The following VAPA variants were observed in gnomAD, a reference collection of about 807,000 sequenced individuals.
VAPA encodes the protein vesicle-associated membrane protein-associated protein A.
A neutral mutation model predicts 25.6 loss-of-function variants in VAPA; 6 were observed. The ratio of observed to expected loss-of-function variants is 0.23; its 90% CI spans 0.13 to 0.46. The LOEUF (loss-of-function observed/expected upper bound fraction) is 0.46, where lower values mean the gene tolerates loss of function less well. Among genes scored for constraint, VAPA ranks in the 20% least tolerant of loss-of-function variants. The pLI, the probability that VAPA is intolerant of heterozygous loss-of-function variation, is 0.99. For synonymous variants in VAPA, 112 were observed against 106.2 expected (o/e 1.05, Z -0.34); for missense variants, 244 against 302.1 (o/e 0.81, Z 1.43).
At chr18:9,924,468 CAA>C (rs748722856) in intron 1 of VAPA, among the ~76,000 whole-genome samples, 5 of 152,136 alleles carry the variant, frequency 3.3e-5, no homozygotes, top group Non-Finnish European at 7.4e-5. Context: ...TGTTGCAAAT[CAA>C]AGTGTTCCAC....
intron 1 of VAPA, among the ~76,000 whole-genome samples, chr18:9,918,193 A>G (rs900379811): frequency 2.0e-5 from 3 of 152,102 alleles, no homozygotes; most frequent in African/African-American, 7.2e-5. Flanking sequence ...GTTCCATGAG[A>G]TGTTTTCCTG....
chr18:9,959,062 T>TA lies in VAPA; in HGVS notation c.*4852dup, dbSNP rs2069579943. On this transcript the variant is annotated 3_prime_UTR_variant, in exon 6 of 6. Coordinates refer to ENST00000400000, the MANE Select transcript of VAPA (RefSeq NM_194434.3). ...CATCATTGATAACTTGTGAAATACTTATCTCCATCCTATGGAATAGGGGAG... is the reference window on the plus strand; with the variant it reads ...CATCATTGATAACTTGTGAAATACTTAATCTCCATCCTATGGAATAGGGGAG... 1 of 152,206 alleles carries TA rather than the reference T, an allele frequency of 6.6e-6. No homozygotes were observed. Among genetic ancestry groups the TA allele is most frequent in the Admixed American group, 6.5e-5 (1 of 15,276 alleles). 9.4% of individuals were successfully genotyped at this position (152,206 alleles called of 1,614,324 possible). A position where few individuals can be genotyped will look rare whatever the true frequency, so the allele number is the denominator to read the frequency against.
At chr18:9,941,804 C>T (rs1206092236) in intron 4 of VAPA, among the ~76,000 whole-genome samples, 1 of 152,174 alleles carries the variant, frequency 6.6e-6, no homozygotes. Flanking sequence ...TGAATCCTGA[C>T]TTACACAGTT....
At chr18:9,935,215 AAATTCAT>A (rs2069296871) in intron 2 of VAPA, among the ~76,000 whole-genome samples, 2 of 152,200 alleles carry the variant, frequency 1.3e-5, no homozygotes, top group African/African-American at 4.8e-5. Context: ...AGATTTAAAT[AAATTCAT>A]AAACTCTGAA....
At chr18:9,936,904 T>C in intron 3 of VAPA, 82 bp from the exon 4 acceptor site, 1 of 1,217,268 alleles carries the variant, frequency 8.2e-7, no homozygotes. Flanking sequence ...GCTTCACTCA[T>C]CTTTTAGCTG....
intron 2 of VAPA, among the ~76,000 whole-genome samples, chr18:9,935,094 C>CAAAAA (rs34998578): frequency 1.2e-5 from 1 of 86,856 alleles, no homozygotes. Context: ...GACTCCGTCT[C>CAAAAA]AAAAAAAAAA....
At chr18:9,932,851 GT>G (rs971934284) in intron 2 of VAPA, among the ~76,000 whole-genome samples, 1 of 152,164 alleles carries the variant, frequency 6.6e-6, no homozygotes, top group African/African-American at 2.4e-5. Context: ...GCTTATGCCT[GT>G]AATCCCAGCA....
chr18:9,925,526 A>G (rs1411771214), intron 1 of VAPA, among the ~76,000 whole-genome samples: 1 of 152,134 alleles, frequency 6.6e-6, no homozygotes, highest in Admixed American at 6.5e-5. Context: ...ATATTTATAC[A>G]AAAATATTTC....
chr18:9,949,384 A>C (rs1425965804), intron 4 of VAPA: 1 of 152,210 alleles, frequency 6.6e-6, no homozygotes, highest in Admixed American at 6.5e-5. Flanking sequence ...CATACTAATC[A>C]AATCACATCC....
chr18:9,943,883 C>T (rs1414950131), intron 4 of VAPA, among the ~76,000 whole-genome samples: 1 of 60,172 alleles, frequency 1.7e-5, no homozygotes, highest in Non-Finnish European at 3.1e-5. Context: ...TTTTTTGAGA[C>T]AGTGTCTCGC....
intron 4 of VAPA, among the ~76,000 whole-genome samples, chr18:9,942,379 G>C (rs1345511848): frequency 6.6e-6 from 1 of 152,062 alleles, no homozygotes; most frequent in African/African-American, 2.4e-5. Flanking sequence ...CATAATTGTT[G>C]ATGCACTCTC....
At chr18:9,936,955 ATG>A (rs1420161368) in intron 3 of VAPA, 29 bp from the exon 4 acceptor site, 1 of 1,585,508 alleles carries the variant, frequency 6.3e-7, no homozygotes, top group Non-Finnish European at 8.7e-7. Flanking sequence ...CATACCTCCT[ATG>A]TCTCATGTTT....
intron 1 of VAPA, among the ~76,000 whole-genome samples, chr18:9,919,588 A>G (rs1204455894): frequency 2.6e-5 from 4 of 152,216 alleles, no homozygotes; most frequent in Non-Finnish European, 5.9e-5. Flanking sequence ...AACAATGAGT[A>G]AAAGTTATCC....
intron 4 of VAPA, among the ~76,000 whole-genome samples, chr18:9,945,285 A>G (rs977490861): frequency 6.6e-6 from 1 of 151,636 alleles, no homozygotes; most frequent in Admixed American, 6.6e-5. Flanking sequence ...AGTGAGCAGG[A>G]CAGTATAAGT....
At position 9,938,503 on chromosome 18, in the gene VAPA, G is replaced by T. The variant is rs551242206; in HGVS notation, c.417+1437G>T. ...ATTGGTCTAGCCCATAGTTATCCAA[G>T]AAAGTAGTTTTGGGTCTGTTTTAGC... On this transcript the variant is annotated intron_variant, in intron 4 of 5. Transcript: ENST00000400000. Among the ~76,000 whole-genome samples the T allele has an allele frequency of 5.6e-4, 85 of 152,342 alleles. 1 individual carries two copies. The highest frequency in any genetic ancestry group is 1.9e-3 in the African/African-American group (81 of 41,594).
chr18:9,914,089 C>T lies in VAPA; in HGVS notation c.-168C>T, dbSNP rs538646595. 2.6e-5 allele frequency: 14 copies of T among 547,138 alleles called. No homozygotes were observed. The South Asian group carries it at 3.2e-4, about 12-fold the overall frequency. 33.9% of individuals were successfully genotyped at this position (547,138 alleles called of 1,614,324 possible). A position where few individuals can be genotyped will look rare whatever the true frequency, so the allele number is the denominator to read the frequency against. ...AGTTGTGGGACCCGGAGCTGCTGAC[C>T]CAGCGGGTGGCCCACCGAACCGGTG... On this transcript the variant is annotated 5_prime_UTR_variant, in exon 1 of 6. Coordinates refer to ENST00000400000, the MANE Select transcript of VAPA (RefSeq NM_194434.3).
At position 9,957,538 on chromosome 18, in the gene VAPA, T is replaced by A. The variant is rs554670726; in HGVS notation, c.*3327T>A. On this transcript the variant is annotated 3_prime_UTR_variant, in exon 6 of 6. Transcript: ENST00000400000. ...AATAGTTTTCTTAGAGCTTTGCACA[T>A]TCCTATTCACTGAGATTTTAAAAAT... The A allele has an allele frequency of 6.6e-6, 1 of 152,314 alleles. No homozygotes were observed. The highest frequency in any genetic ancestry group is 2.4e-5 in the African/African-American group (1 of 41,570). The allele number at this position is 152,314 out of a possible 1,614,324, so 9.4% of individuals were successfully genotyped here.
At chr18:9,939,483 GT>G (rs2069344777) in intron 4 of VAPA, among the ~76,000 whole-genome samples, 1 of 144,768 alleles carries the variant, frequency 6.9e-6, no homozygotes, top group South Asian at 2.2e-4. Flanking sequence ...TGGATGATAC[GT>G]TTCTTAAATC....
intron 4 of VAPA, chr18:9,947,897 A>G (rs2069442412): frequency 6.6e-6 from 1 of 152,112 alleles, no homozygotes; most frequent in Non-Finnish European, 1.5e-5. Context: ...CATTACATAT[A>G]CATATATAGC....
Sources: gnomAD v4.1 joint callset for allele counts (sites outside exome capture counted in the v4.1 genomes callset) on GRCh38, gnomAD v4.1.1 for gene constraint, MANE v1.5 for transcripts, NCBI Gene and HGNC (gene_info 2026-07-23, HGNC 2026-07-21) for gene names.